The following ZNF804B variants were observed in gnomAD, a reference collection of about 807,000 sequenced individuals.
ZNF804B encodes the protein zinc finger 804B.
ZNF804B carries 80 observed loss-of-function variants against 101.4 expected under a neutral mutation model. The observed-to-expected ratio is 0.79, with a 90% CI of 0.66 to 0.95. ZNF804B has a LOEUF of 0.95. Ranked by LOEUF, ZNF804B falls within the 40% of genes least tolerant of loss-of-function variation. The pLI, the probability that ZNF804B is intolerant of heterozygous loss-of-function variation, is 0.00. For missense variants in ZNF804B, 1,673 were observed against 1,561.9 expected (o/e 1.07, Z -1.20); for synonymous variants, 622 against 558.8 (o/e 1.11, Z -1.59).
intron 1 of ZNF804B, among the ~76,000 whole-genome samples, chr7:89,208,808 C>G (rs1359088768): frequency 6.6e-6 from 1 of 151,938 alleles, no homozygotes; most frequent in Admixed American, 6.6e-5. Flanking sequence ...GTCAGGAGAT[C>G]GAGACCATCC....
At chr7:89,008,068 G>A (rs2373829) in intron 1 of ZNF804B, among the ~76,000 whole-genome samples, 79,082 of 151,788 alleles carry the variant, frequency 0.52, 21,517 homozygotes, top group Middle Eastern at 0.64. Context: ...ATAGAAAATC[G>A]GTTAAAGTTA....
intron 1 of ZNF804B, among the ~76,000 whole-genome samples, chr7:89,124,724 G>T (rs1436477719): frequency 6.6e-5 from 10 of 152,116 alleles, no homozygotes. Context: ...AGAATTGAAG[G>T]GTTGTAGGTA....
intron 1 of ZNF804B, among the ~76,000 whole-genome samples, chr7:88,776,780 A>T (rs1425162102): frequency 1.2e-5 from 1 of 83,496 alleles, no homozygotes; most frequent in Admixed American, 1.3e-4. Flanking sequence ...TAACCCATAA[A>T]CCCCCCCCCC....
intron 3 of ZNF804B, among the ~76,000 whole-genome samples, chr7:89,328,690 T>A (rs1790932036): frequency 6.6e-6 from 1 of 151,864 alleles, no homozygotes; most frequent in African/African-American, 2.4e-5. Flanking sequence ...CTAGGGAAAG[T>A]GTTAATTCCT....
rs1788927240 is a variant in ZNF804B at position 89,218,247 on chromosome 7, C to T, written c.201C>T (p.His67=). 6.2e-7 allele frequency: 1 copy of T among 1,613,718 alleles called. No homozygotes were observed. The highest frequency in any genetic ancestry group is 8.5e-7 in the Non-Finnish European group (1 of 1,179,804). ...TATGTGACAAGCAGTATCACAAACA[C>T]CAGGAGTTTGACAATCATATTAATT... ...CELCDKQYHK[H]QEFDNHINSY... Residue 67 remains histidine, a synonymous_variant, in exon 2 of 4, where the codon CAC becomes CAT. Coordinates refer to ENST00000333190, the MANE Select transcript of ZNF804B (RefSeq NM_181646.5).
chr7:88,811,346 A>G (rs1384595754), intron 1 of ZNF804B, among the ~76,000 whole-genome samples: 1 of 152,226 alleles, frequency 6.6e-6, no homozygotes, highest in Non-Finnish European at 1.5e-5. Flanking sequence ...TTAAAAAGTC[A>G]AGGAACAACA....
At chr7:89,170,997 T>A (rs1383368085) in intron 1 of ZNF804B, among the ~76,000 whole-genome samples, 1 of 152,210 alleles carries the variant, frequency 6.6e-6, no homozygotes, top group Non-Finnish European at 1.5e-5. Flanking sequence ...TCTGGCATGA[T>A]CAAATCCTGG....
chr7:89,003,549 A>G lies in ZNF804B; in HGVS notation c.109-214606A>G, dbSNP rs572149885. Among the ~76,000 whole-genome samples the G allele has an allele frequency of 7.9e-5, 12 of 152,112 alleles. No individual in the cohort carries two copies. The South Asian group carries it at 2.1e-3, about 26-fold the overall frequency. On this transcript the variant is annotated intron_variant, in intron 1 of 3. Transcript: ENST00000333190. ...TAACCAGAATATAGAATTACTTTCAATCATAATATTTTAGTATGAGAATGA... is the reference window on the plus strand; with the variant it reads ...TAACCAGAATATAGAATTACTTTCAGTCATAATATTTTAGTATGAGAATGA...
At chr7:89,013,079 TA>T (rs1788489724) in intron 1 of ZNF804B, among the ~76,000 whole-genome samples, 1 of 152,064 alleles carries the variant, frequency 6.6e-6, no homozygotes, top group Admixed American at 6.6e-5. Context: ...GATGACACCA[TA>T]GGGGAACCGC....
chr7:88,831,510 ATTGT>A (rs3024230), intron 1 of ZNF804B, among the ~76,000 whole-genome samples: 69,551 of 151,130 alleles, frequency 0.46, 16,926 homozygotes, highest in East Asian at 0.81. Flanking sequence ...GAGAAATCAA[ATTGT>A]TTGGTCAAGG....
At chr7:89,186,684 G>T (rs1041304607) in intron 1 of ZNF804B, among the ~76,000 whole-genome samples, 4 of 151,752 alleles carry the variant, frequency 2.6e-5, no homozygotes, top group Admixed American at 2.6e-4. Context: ...AATAGTTCCT[G>T]GTAAACCCTC....
At chr7:89,194,669 T>G (rs1324538853) in intron 1 of ZNF804B, among the ~76,000 whole-genome samples, 1 of 151,948 alleles carries the variant, frequency 6.6e-6, no homozygotes, top group Non-Finnish European at 1.5e-5. Flanking sequence ...TCCATTGATC[T>G]ATATCTCTGT....
intron 2 of ZNF804B, among the ~76,000 whole-genome samples, chr7:89,236,538 G>A (rs1375085374): frequency 6.6e-6 from 1 of 152,088 alleles, no homozygotes; most frequent in Non-Finnish European, 1.5e-5. Context: ...CAATTTATCT[G>A]ATGCACATGT....
intron 1 of ZNF804B, among the ~76,000 whole-genome samples, chr7:89,172,592 C>T (rs1290705466): frequency 2.0e-5 from 3 of 152,116 alleles, no homozygotes; most frequent in Admixed American, 6.6e-5. Context: ...TTCTTTCTGA[C>T]ATGTTTTATA....
chr7:88,915,539 G>T (rs147229647), intron 1 of ZNF804B, among the ~76,000 whole-genome samples: 5 of 151,940 alleles, frequency 3.3e-5, no homozygotes, highest in African/African-American at 1.2e-4. Flanking sequence ...AAATATATTA[G>T]GTATGTATTA....
intron 1 of ZNF804B, among the ~76,000 whole-genome samples, chr7:88,973,142 GTT>G (rs35965586): frequency 2.2e-5 from 3 of 138,438 alleles, no homozygotes; most frequent in Admixed American, 7.3e-5. Context: ...CCACTCAAGG[GTT>G]TTTTTTTTTT....
intron 2 of ZNF804B, among the ~76,000 whole-genome samples, chr7:89,277,919 C>A (rs571075571): frequency 1.1e-3 from 166 of 152,168 alleles, no homozygotes; most frequent in African/African-American, 3.7e-3. Flanking sequence ...CATGAAGAGT[C>A]GCCACACTGA....
chr7:89,038,137 T>C (rs896434170), intron 1 of ZNF804B, among the ~76,000 whole-genome samples: 1 of 152,168 alleles, frequency 6.6e-6, no homozygotes, highest in Admixed American at 6.6e-5. Context: ...CAATAAACAC[T>C]GGGGTGCAGG....
At chr7:89,151,504 T>C (rs1790875569) in intron 1 of ZNF804B, among the ~76,000 whole-genome samples, 1 of 151,996 alleles carries the variant, frequency 6.6e-6, no homozygotes, top group Non-Finnish European at 1.5e-5. Context: ...TCACAGAAAA[T>C]AATTTGTTTC....
Sources: allele counts gnomAD v4.1 joint callset (sites outside exome capture counted in the v4.1 genomes callset), GRCh38; gene constraint gnomAD v4.1.1; transcripts MANE v1.5; gene names NCBI Gene and HGNC (gene_info 2026-07-23, HGNC 2026-07-21).